The following COL25A1 variants were observed in gnomAD, a reference collection of about 807,000 sequenced individuals.
COL25A1 encodes collagen type XXV alpha 1 chain.
A neutral mutation model predicts 128.4 loss-of-function variants in COL25A1; 103 were observed. The observed-to-expected ratio is 0.80, with a 90% confidence interval of 0.68 to 0.94. COL25A1 has a LOEUF of 0.94. Among genes scored for constraint, COL25A1 ranks in the 40% least tolerant of loss-of-function variants. The pLI is 0.00. For synonymous variants in COL25A1, 279 were observed against 277.2 expected, an observed-to-expected ratio of 1.01 and a Z score of -0.06; for missense variants, 745 against 840.0, an observed-to-expected ratio of 0.89 and a Z score of 1.40.
intron 19 of COL25A1, among the ~76,000 whole-genome samples, chr4:108,874,999 T>C (rs971850700): frequency 6.6e-6 from 1 of 152,244 alleles, no homozygotes; most frequent in African/African-American, 2.4e-5. Flanking sequence ...TTTTTACTTT[T>C]GTTATCAGTG....
At chr4:109,096,023 G>A (rs867518069) in intron 3 of COL25A1, among the ~76,000 whole-genome samples, 18 of 152,166 alleles carry the variant, frequency 1.2e-4, no homozygotes, top group African/African-American at 2.4e-4. Context: ...GAAGTGGAGC[G>A]AACGTGTCTG....
chr4:108,824,114 C>T lies in COL25A1; in HGVS notation c.1845+60G>A, dbSNP rs779621147. 1.9e-6 allele frequency: 3 copies of T among 1,613,854 alleles called. No homozygotes were observed. In the South Asian group the frequency reaches 3.3e-5, roughly 18 times the overall value. On this transcript the variant is annotated intron_variant, in intron 35 of 37. Transcript: ENST00000399132. Reference sequence around the variant, plus strand: ...GTCAAATGGAATCACACAAGCTGAACAGCAAAGCAGACAGCAGGAGAAGAA... The same window carrying T: ...GTCAAATGGAATCACACAAGCTGAATAGCAAAGCAGACAGCAGGAGAAGAA...
At chr4:108,966,581 G>A (rs917586166) in intron 8 of COL25A1, among the ~76,000 whole-genome samples, 2 of 152,156 alleles carry the variant, frequency 1.3e-5, no homozygotes, top group African/African-American at 4.8e-5. Flanking sequence ...ATGCGCAGTG[G>A]CTCGCACCTG....
intron 36 of COL25A1, 76 bp from the exon 37 acceptor site, chr4:108,817,511 G>T: frequency 7.2e-7 from 1 of 1,386,880 alleles, no homozygotes; most frequent in East Asian, 2.3e-5. Flanking sequence ...ATGCTCAGAG[G>T]CTTAAAAATA....
intron 3 of COL25A1, among the ~76,000 whole-genome samples, chr4:109,130,058 T>A (rs1244610599): frequency 2.7e-5 from 4 of 150,426 alleles, no homozygotes; most frequent in African/African-American, 7.3e-5. Flanking sequence ...AGATAACAGA[T>A]GAAAATTCCT....
intron 6 of COL25A1, among the ~76,000 whole-genome samples, chr4:108,986,489 C>CTA (rs1338802091): frequency 3.1e-4 from 47 of 152,076 alleles, no homozygotes; most frequent in African/African-American, 1.1e-3. Flanking sequence ...CTGAATGTAA[C>CTA]CTGTAGTTTA....
At chr4:109,084,875 G>A (rs17039759) in intron 3 of COL25A1, among the ~76,000 whole-genome samples, 16,366 of 152,066 alleles carry the variant, frequency 0.11, 1,101 homozygotes, top group African/African-American at 0.18. Context: ...TTTTTCAAAT[G>A]GCAACCTAAG....
At chr4:109,059,206 TCA>T (rs1450511479) in intron 3 of COL25A1, among the ~76,000 whole-genome samples, 1 of 152,238 alleles carries the variant, frequency 6.6e-6, no homozygotes, top group African/African-American at 2.4e-5. Context: ...ATGCTTGGTC[TCA>T]CTTATTTTTC....
chr4:109,090,708 A>T (rs1764819119), intron 3 of COL25A1, among the ~76,000 whole-genome samples: 2 of 152,026 alleles, frequency 1.3e-5, no homozygotes. Flanking sequence ...CTGGAATATT[A>T]TCAGTTTAAA....
In COL25A1 at chr4:108,918,158, T is replaced by TCAG; in HGVS notation, c.780+13_780+14insCTG. On this transcript the variant is annotated intron_variant, in intron 13 of 37. Transcript: ENST00000399132. ...CCAAATTATTTTTAAAATACAATAT[T>TCAG]CTATAGAACTCACCTTTTGCCCATT... 6.5e-7 allele frequency: 1 copy of TCAG among 1,547,336 alleles called. No individual in the cohort carries two copies.
intron 3 of COL25A1, among the ~76,000 whole-genome samples, chr4:109,113,835 T>C (rs1313927069): frequency 6.6e-6 from 1 of 152,124 alleles, no homozygotes; most frequent in Non-Finnish European, 1.5e-5. Flanking sequence ...AGACTTAGAA[T>C]ACAAATCCTA....
intron 5 of COL25A1, among the ~76,000 whole-genome samples, chr4:109,046,198 A>G (rs1760412449): frequency 6.6e-6 from 1 of 152,234 alleles, no homozygotes. Flanking sequence ...GTGTGAGAAC[A>G]AAATGAAATT....
chr4:109,062,412 A>T (rs999762374), intron 3 of COL25A1, among the ~76,000 whole-genome samples: 2 of 152,350 alleles, frequency 1.3e-5, no homozygotes, highest in Admixed American at 6.5e-5. Flanking sequence ...GTAACAACAG[A>T]GGGAAAACCT....
chr4:109,208,493 A>AC (rs1030450321), intron 3 of COL25A1, among the ~76,000 whole-genome samples: 8 of 151,860 alleles, frequency 5.3e-5, no homozygotes, highest in Non-Finnish European at 1.0e-4. Flanking sequence ...TAAAAAAAAA[A>AC]AAAACAAATT....
At chr4:108,942,712 A>G (rs1748270865) in intron 8 of COL25A1, among the ~76,000 whole-genome samples, 1 of 147,140 alleles carries the variant, frequency 6.8e-6, no homozygotes, top group Non-Finnish European at 1.5e-5. Flanking sequence ...AGCCTCCCAA[A>G]GTACTGGGAT....
chr4:108,823,921 T>G, intron 35 of COL25A1: 1 of 1,398,350 alleles, frequency 7.2e-7, no homozygotes, highest in South Asian at 1.7e-5. Flanking sequence ...TGGTGTCAGG[T>G]GGTTGAAAAA....
chr4:109,032,767 G>A (rs1015415579), intron 5 of COL25A1, among the ~76,000 whole-genome samples: 47 of 152,284 alleles, frequency 3.1e-4, no homozygotes, highest in African/African-American at 1.1e-3. Flanking sequence ...CTCTATTGAT[G>A]AGGCTCGGCA....
At chr4:109,291,099 T>C (rs760354161) in intron 3 of COL25A1, among the ~76,000 whole-genome samples, 1 of 152,152 alleles carries the variant, frequency 6.6e-6, no homozygotes, top group Non-Finnish European at 1.5e-5. Context: ...TCATTCTGTG[T>C]CCTACCAGAC....
chr4:109,037,429 C>T (rs1444701867), intron 5 of COL25A1, among the ~76,000 whole-genome samples: 5 of 152,312 alleles, frequency 3.3e-5, no homozygotes, highest in African/African-American at 4.8e-5. Context: ...TGGTCTGCAG[C>T]GCAGCCTACT....
Sources: gnomAD v4.1 joint callset for allele counts (sites outside exome capture counted in the v4.1 genomes callset) on GRCh38, gnomAD v4.1.1 for gene constraint, MANE v1.5 for transcripts, NCBI Gene and HGNC (gene_info 2026-07-23, HGNC 2026-07-21) for gene names.